The following OPCML variants were observed in gnomAD, a reference collection of about 807,000 sequenced individuals.
OPCML encodes the protein opioid binding protein/cell adhesion molecule like.
In OPCML, 13 loss-of-function variants were observed where a neutral mutation model predicts 37.8. The ratio of observed to expected loss-of-function variants is 0.34; its 90% CI spans 0.22 to 0.55. The LOEUF is 0.55. Ranked by LOEUF, OPCML falls within the 20% of genes least tolerant of loss-of-function variation. OPCML has a pLI of 0.91. For synonymous variants in OPCML, 176 were observed against 168.8 expected, an observed-to-expected ratio of 1.04 and a Z score of -0.33; for missense variants, 341 against 435.6, an observed-to-expected ratio of 0.78 and a Z score of 1.93.
intron 1 of OPCML, among the ~76,000 whole-genome samples, chr11:133,268,462 A>T (rs1799884868): frequency 6.6e-6 from 1 of 152,234 alleles, no homozygotes; most frequent in Non-Finnish European, 1.5e-5. Flanking sequence ...CAAATATATT[A>T]AAGTTCACAA....
At chr11:132,779,603 A>G (rs1414415764) in intron 2 of OPCML, among the ~76,000 whole-genome samples, 3 of 152,086 alleles carry the variant, frequency 2.0e-5, no homozygotes, top group Non-Finnish European at 4.4e-5. Flanking sequence ...AGAGAGGAAG[A>G]AACTTCTCAG....
chr11:132,453,379 T>C (rs2096073448), intron 4 of OPCML, among the ~76,000 whole-genome samples: 1 of 152,202 alleles, frequency 6.6e-6, no homozygotes, highest in Non-Finnish European at 1.5e-5. Context: ...ATTGAATCGC[T>C]GACATCTCCC....
intron 1 of OPCML, among the ~76,000 whole-genome samples, chr11:133,488,663 GATTCAATGCAATCTTTATCAA>G (rs967330117): frequency 1.3e-5 from 2 of 152,096 alleles, no homozygotes; most frequent in African/African-American, 4.8e-5. Flanking sequence ...GCAATCTACA[GATTCAATGCAATCTTTATCAA>G]ATTACCAATG....
chr11:132,565,133 G>C (rs1313582718), intron 3 of OPCML, among the ~76,000 whole-genome samples: 1 of 152,124 alleles, frequency 6.6e-6, no homozygotes, highest in Non-Finnish European at 1.5e-5. Context: ...AAAATAGGAA[G>C]CATCACATGG....
intron 1 of OPCML, among the ~76,000 whole-genome samples, chr11:133,404,278 A>C (rs1293515982): frequency 6.6e-6 from 1 of 152,234 alleles, no homozygotes; most frequent in Non-Finnish European, 1.5e-5. Flanking sequence ...GTCTCATCTT[A>C]ACTTGATTAC....
intron 1 of OPCML, among the ~76,000 whole-genome samples, chr11:133,343,324 G>GC (rs1565582775): frequency 6.6e-6 from 1 of 152,124 alleles, no homozygotes; most frequent in Non-Finnish European, 1.5e-5. Context: ...TAACTATGGG[G>GC]CTGACACTTG....
chr11:133,451,907 A>T (rs2136960012), intron 1 of OPCML, among the ~76,000 whole-genome samples: 1 of 151,632 alleles, frequency 6.6e-6, no homozygotes, highest in African/African-American at 2.4e-5. Context: ...GGAAGACTAC[A>T]AGCAAACCAG....
intron 3 of OPCML, among the ~76,000 whole-genome samples, chr11:132,547,146 G>T (rs1043492791): frequency 6.6e-6 from 1 of 152,212 alleles, no homozygotes; most frequent in East Asian, 1.9e-4. Context: ...CACATACTCA[G>T]TGGGGAAGCA....
intron 1 of OPCML, among the ~76,000 whole-genome samples, chr11:133,454,032 G>A (rs1325948147): frequency 6.6e-6 from 1 of 152,160 alleles, no homozygotes; most frequent in South Asian, 2.1e-4. Flanking sequence ...GACGTTAGAG[G>A]CCATCTGATC....
rs998984150 is a variant in OPCML at position 133,189,996 on chromosome 11, C to G, written c.62-246986G>C. Among the ~76,000 whole-genome samples, 5 of 152,194 alleles carry G rather than the reference C, an allele frequency of 3.3e-5. No individual in the cohort carries two copies. The East Asian group carries it at 9.6e-4, about 29-fold the overall frequency. ...CTGGCGGGACCTGGTTACGTTTTCA[C>G]CAGATTCTAAATTTTTATTCCAAAG... On this transcript the variant is annotated intron_variant, in intron 1 of 7. Transcript: ENST00000524381.
intron 2 of OPCML, among the ~76,000 whole-genome samples, chr11:132,744,412 T>C (rs1474404592): frequency 6.6e-6 from 1 of 152,224 alleles, no homozygotes; most frequent in African/African-American, 2.4e-5. Context: ...TCTCTTAAAC[T>C]GGTTCTTTCT....
intron 3 of OPCML, among the ~76,000 whole-genome samples, chr11:132,571,834 G>T (rs1591568052): frequency 6.6e-6 from 1 of 152,142 alleles, no homozygotes; most frequent in East Asian, 1.9e-4. Context: ...CTTATTTTTT[G>T]AGGAACCTCT....
rs1018144927 is a variant in OPCML, at chr11:133,208,382, C to A, written c.62-265372G>T. Among the ~76,000 whole-genome samples, 1 of 152,104 alleles carries A rather than the reference C, an allele frequency of 6.6e-6. No homozygotes were observed. The highest frequency in any genetic ancestry group is 1.5e-5 in the Non-Finnish European group (1 of 68,038). On this transcript the variant is annotated intron_variant, in intron 1 of 7. Transcript: ENST00000524381. This position sits in a 1 kb window ranked among gnomAD's most constrained non-coding sequence, Gnocchi z 8.9. ...GGCAGCTGGGGCATGGTAGAAAGGG[C>A]CATAGGTTAGGATTTTATAACTCTC...
intron 2 of OPCML, among the ~76,000 whole-genome samples, chr11:132,890,060 A>C (rs1339553296): frequency 6.6e-6 from 1 of 152,168 alleles, no homozygotes; most frequent in African/African-American, 2.4e-5. Context: ...CCGCAAGGCA[A>C]CTTTTTATCT....
At chr11:133,425,956 G>A (rs1035571227) in intron 1 of OPCML, among the ~76,000 whole-genome samples, 1 of 151,934 alleles carries the variant, frequency 6.6e-6, no homozygotes, top group Non-Finnish European at 1.5e-5. Context: ...TCTCCCTCTG[G>A]CAATGTGGCA....
intron 2 of OPCML, chr11:132,772,790 GC>G (rs1654711087): frequency 6.6e-6 from 1 of 152,164 alleles, no homozygotes; most frequent in Admixed American, 6.5e-5. Context: ...ATCTCAAATG[GC>G]CCCCGAGGGA....
chr11:132,949,288 T>C (rs938758947), intron 1 of OPCML, among the ~76,000 whole-genome samples: 2 of 152,222 alleles, frequency 1.3e-5, no homozygotes, highest in Non-Finnish European at 2.9e-5. Context: ...CCTATAATAT[T>C]CCTATGTATA....
intron 3 of OPCML, among the ~76,000 whole-genome samples, chr11:132,634,541 A>T (rs1049086144): frequency 6.6e-6 from 1 of 152,210 alleles, no homozygotes; most frequent in African/African-American, 2.4e-5. Flanking sequence ...GGGAAGGGTC[A>T]TACAGTGGAC....
At chr11:133,190,791 C>T (rs1317922205) in intron 1 of OPCML, among the ~76,000 whole-genome samples, 3 of 152,118 alleles carry the variant, frequency 2.0e-5, no homozygotes, top group African/African-American at 7.2e-5. Context: ...AAGGTTCATC[C>T]ATGTTGTAAC....
Sources: gnomAD v4.1 joint callset for allele counts (sites outside exome capture counted in the v4.1 genomes callset) on GRCh38, gnomAD v4.1.1 for gene constraint, Gnocchi (gnomAD v3.1) non-coding constraint, MANE v1.5 for transcripts, NCBI Gene and HGNC (gene_info 2026-07-23, HGNC 2026-07-21) for gene names.